The following PCSK6 variants were observed in gnomAD, a reference collection of about 807,000 sequenced individuals.
The protein encoded by PCSK6 is proprotein convertase subtilisin/kexin type 6, also known as paired basic amino acid cleaving enzyme 4.
In PCSK6, 85 loss-of-function variants were observed where a neutral mutation model predicts 123.3. The ratio of observed to expected loss-of-function variants is 0.69; its 90% CI spans 0.58 to 0.83. The LOEUF (loss-of-function observed/expected upper bound fraction) is 0.83, where lower values mean the gene tolerates loss of function less well. Ranked by LOEUF, PCSK6 falls within the 40% of genes least tolerant of loss-of-function variation. The pLI is 0.00. For missense variants in PCSK6, 1,191 were observed against 1,282.3 expected (o/e 0.93, Z 1.09); for synonymous variants, 508 against 516.0 (o/e 0.98, Z 0.21).
chr15:101,398,521 G>A lies in PCSK6; in HGVS notation c.879C>T (p.Gly293=). The change falls in exon 7 of 22, where the codon GGC becomes GGT. Residue 293 remains glycine, a synonymous_variant. Transcript: ENST00000611716. This position sits in a 1 kb window ranked among gnomAD's most constrained non-coding sequence, Gnocchi z 4.6. The stretch of plus-strand genomic sequence containing the variant: ...AAATGTCGATGTAGTTGGGTCTGAT[G>A]CCCAGCGACTTTGCCTCGACCACAT... The part of the protein sequence containing the change: ...VTDVVEAKSL[G]IRPNYIDIYS... 6.2e-7 allele frequency: 1 copy of A among 1,613,848 alleles called. No individual in the cohort carries two copies. Among genetic ancestry groups the A allele is most frequent in the Non-Finnish European group, 8.5e-7 (1 of 1,179,810 alleles).
chr15:101,375,760 TGTG>T (rs1302367961), intron 11 of PCSK6, among the ~76,000 whole-genome samples: 1 of 152,102 alleles, frequency 6.6e-6, no homozygotes, highest in Non-Finnish European at 1.5e-5. Context: ...TCTGGCCAGG[TGTG>T]GTGGCTCACG....
At chr15:101,480,001 T>C (rs959689176) in intron 1 of PCSK6, among the ~76,000 whole-genome samples, 3 of 152,190 alleles carry the variant, frequency 2.0e-5, no homozygotes, top group Non-Finnish European at 4.4e-5. Context: ...TCACAGGAGA[T>C]ATGTCTGAGA....
chr15:101,422,476 A>G lies in PCSK6; in HGVS notation c.823+5416T>C, dbSNP rs143497496. On this transcript the variant is annotated intron_variant, in intron 6 of 21. Coordinates refer to ENST00000611716, the MANE Select transcript of PCSK6 (RefSeq NM_002570.5). ...TTCAGGCTTTCCACTGAAATACCAA[A>G]AGGGTCATGGTCTAGGAGTAAAGAC... is the stretch of plus-strand genomic sequence containing the variant. 6.0e-3 allele frequency among the ~76,000 whole-genome samples: 915 copies of G among 152,310 alleles called. 6 individuals are homozygous for G. Among genetic ancestry groups the G allele is most frequent in the South Asian group, 0.026 (125 of 4,824 alleles).
At chr15:101,334,542 C>T (rs1318168829) in intron 13 of PCSK6, 3 of 152,270 alleles carry the variant, frequency 2.0e-5, no homozygotes, top group Non-Finnish European at 4.4e-5. Flanking sequence ...TCCTCAGCTC[C>T]TTAGGGTCCA....
chr15:101,433,984 G>A (rs1490861995), intron 2 of PCSK6, among the ~76,000 whole-genome samples: 1 of 151,798 alleles, frequency 6.6e-6, no homozygotes, highest in African/African-American at 2.4e-5. Context: ...CCAGTTTCAC[G>A]TCACACACTT....
At chr15:101,358,077 C>T (rs1348825105) in intron 13 of PCSK6, among the ~76,000 whole-genome samples, 1 of 152,170 alleles carries the variant, frequency 6.6e-6, no homozygotes, top group Non-Finnish European at 1.5e-5. Context: ...CGTCGCTTGC[C>T]CAGTGGATCG....
intron 1 of PCSK6, among the ~76,000 whole-genome samples, chr15:101,451,356 G>A (rs1274464259): frequency 2.6e-5 from 4 of 152,126 alleles, no homozygotes; most frequent in East Asian, 1.9e-4. Flanking sequence ...GGTGCAGTTC[G>A]TAGCCCTCGA....
rs118108747 is a variant in PCSK6, at chr15:101,379,729, C to T, written c.1532+2363G>A. On this transcript the variant is annotated intron_variant, in intron 11 of 21. Transcript: ENST00000611716. ...AGACGGGAAAATGGCTGTGTGGGAA[C>T]GCTTCCTTTTCATTTTCGGCCACGT... is the stretch of plus-strand genomic sequence containing the variant. Among the ~76,000 whole-genome samples, 614 of 152,312 alleles carry T rather than the reference C, an allele frequency of 4.0e-3. 4 individuals are homozygous for T. The highest frequency in any genetic ancestry group is 0.014 in the African/African-American group (577 of 41,566).
chr15:101,444,331 C>G (rs553636627), intron 1 of PCSK6, among the ~76,000 whole-genome samples: 1 of 152,296 alleles, frequency 6.6e-6, no homozygotes, highest in South Asian at 2.1e-4. Flanking sequence ...CGCTGTAGCA[C>G]CAGCTTGTCC....
intron 10 of PCSK6, among the ~76,000 whole-genome samples, chr15:101,383,898 GGGAAGTAATTTTTTTTTTAAGAGATGGA>G (rs1172484960): frequency 6.6e-6 from 1 of 152,072 alleles, no homozygotes; most frequent in Non-Finnish European, 1.5e-5. Flanking sequence ...AAAGTAGTGG[GGGAAGTAATTTTTTTTTTAAGAGATGGA>G]GTCCTGCTGT....
intron 1 of PCSK6, among the ~76,000 whole-genome samples, chr15:101,485,957 ATTTTTTT>A (rs11303524): frequency 1.3e-4 from 15 of 116,106 alleles, no homozygotes; most frequent in African/African-American, 2.7e-4. Flanking sequence ...ATTTATTTAA[ATTTTTTT>A]TTTTTTTTTT....
At chr15:101,369,491 C>T (rs1289004629) in intron 12 of PCSK6, among the ~76,000 whole-genome samples, 1 of 152,208 alleles carries the variant, frequency 6.6e-6, no homozygotes, top group Non-Finnish European at 1.5e-5. Flanking sequence ...CAGGCCTGGT[C>T]CTGGGGGGCT....
At chr15:101,320,952 C>T (rs1049509188) in intron 18 of PCSK6, among the ~76,000 whole-genome samples, 42 of 152,228 alleles carry the variant, frequency 2.8e-4, no homozygotes, top group African/African-American at 8.2e-4. Flanking sequence ...ACCATTCCTA[C>T]ATTGAGTATC....
At chr15:101,345,768 A>T (rs1337871799) in intron 13 of PCSK6, among the ~76,000 whole-genome samples, 1 of 152,192 alleles carries the variant, frequency 6.6e-6, no homozygotes, top group East Asian at 1.9e-4. Context: ...CCCGGGTTCA[A>T]GTGATTCTCC....
At chr15:101,429,012 T>TGTGTG (rs1330112751) in intron 5 of PCSK6, among the ~76,000 whole-genome samples, 1 of 152,224 alleles carries the variant, frequency 6.6e-6, no homozygotes. Context: ...TGCAGCCTGC[T>TGTGTG]GTGTGGAACT....
chr15:101,377,114 G>A (rs1049801079), intron 11 of PCSK6, among the ~76,000 whole-genome samples: 2 of 152,358 alleles, frequency 1.3e-5, no homozygotes, highest in South Asian at 2.1e-4. Flanking sequence ...TGTCTGATCC[G>A]CACGGCACTC....
At chr15:101,468,573 A>G (rs1366916212) in intron 1 of PCSK6, among the ~76,000 whole-genome samples, 1 of 152,218 alleles carries the variant, frequency 6.6e-6, no homozygotes, top group East Asian at 1.9e-4. Flanking sequence ...AAGGTGGGCC[A>G]TGACTCCAGG....
At chr15:101,455,598 C>T (rs574651507) in intron 1 of PCSK6, among the ~76,000 whole-genome samples, 41 of 152,354 alleles carry the variant, frequency 2.7e-4, no homozygotes, top group African/African-American at 9.1e-4. Flanking sequence ...TGACCAAGCT[C>T]CTATGCTGCT....
intron 19 of PCSK6, 54 bp downstream of exon 19, chr15:101,318,265 C>G: frequency 7.6e-7 from 1 of 1,317,002 alleles, no homozygotes; most frequent in Non-Finnish European, 1.1e-6. Flanking sequence ...TTCAAGGCAG[C>G]TAGCCTACGC....
Sources: gnomAD v4.1 joint callset for allele counts (sites outside exome capture counted in the v4.1 genomes callset) on GRCh38, gnomAD v4.1.1 for gene constraint, Gnocchi (gnomAD v3.1) non-coding constraint, MANE v1.5 for transcripts, NCBI Gene and HGNC (gene_info 2026-07-23, HGNC 2026-07-21) for gene names.